CSMD3: variants seen among roughly 807,000 people sequenced by gnomAD.
The protein encoded by CSMD3 is CUB and Sushi multiple domains 3.
Under a neutral mutation model 435.2 loss-of-function variants are expected in CSMD3, and 177 were observed. That is an observed-to-expected ratio of 0.41 (90% CI 0.36 to 0.46). CSMD3 has a LOEUF of 0.46. CSMD3 is among the 20% of genes least tolerant of loss of function. The probability of loss-of-function intolerance (pLI) is 0.34; values close to 1 mark genes in which losing one functional copy is unlikely to be tolerated. For synonymous variants in CSMD3, 1,656 were observed against 1,520.5 expected (o/e 1.09, Z -2.07); for missense variants, 4,265 against 4,504.6 (o/e 0.95, Z 1.52).
intron 3 of CSMD3, among the ~76,000 whole-genome samples, chr8:113,267,616 G>A (rs1465355956): frequency 1.3e-5 from 2 of 151,588 alleles, no homozygotes; most frequent in East Asian, 1.9e-4. Flanking sequence ...GAAGGGGAGG[G>A]TGAAGAGAAG....
At chr8:113,395,893 C>A (rs904317474) in intron 1 of CSMD3, among the ~76,000 whole-genome samples, 3 of 152,064 alleles carry the variant, frequency 2.0e-5, no homozygotes, top group African/African-American at 7.2e-5. Context: ...AGATCCTTTT[C>A]TTTTCTAAGA....
At chr8:112,806,723 C>T (rs953605457) in intron 12 of CSMD3, among the ~76,000 whole-genome samples, 1 of 152,126 alleles carries the variant, frequency 6.6e-6, no homozygotes, top group African/African-American at 2.4e-5. Flanking sequence ...AAGGATGGGG[C>T]CTCGCTTCAG....
At position 113,181,969 on chromosome 8, in the gene CSMD3, T is replaced by A. The variant is rs968251880; in HGVS notation, c.515-8053A>T. Among the ~76,000 whole-genome samples the A allele has an allele frequency of 5.3e-5, 8 of 152,184 alleles. No homozygotes were observed. In the South Asian group the frequency reaches 6.2e-4, roughly 12 times the overall value. Reference sequence around the variant, plus strand: ...GATGTGTTAAGCCGATCATGGATAATTTACTGGAATTATATATTCAACAAA... The same window carrying A: ...GATGTGTTAAGCCGATCATGGATAAATTACTGGAATTATATATTCAACAAA... On this transcript the variant is annotated intron_variant, in intron 3 of 70. Transcript: ENST00000297405.
intron 4 of CSMD3, among the ~76,000 whole-genome samples, chr8:113,143,725 T>C (rs1564361974): frequency 6.6e-6 from 1 of 151,432 alleles, no homozygotes; most frequent in Non-Finnish European, 1.5e-5. Context: ...TTGTTTCCAT[T>C]TATACAACGT....
At chr8:112,554,256 T>C (rs1827928791) in intron 25 of CSMD3, among the ~76,000 whole-genome samples, 1 of 151,928 alleles carries the variant, frequency 6.6e-6, no homozygotes, top group African/African-American at 2.4e-5. Context: ...TGGTGCTGTT[T>C]CTCTGGAGAA....
chr8:112,514,019 A>T, intron 28 of CSMD3, among the ~76,000 whole-genome samples: 1 of 152,098 alleles, frequency 6.6e-6, no homozygotes, highest in East Asian at 1.9e-4. Flanking sequence ...TATTATTTAG[A>T]TATAAGATTC....
At chr8:112,813,114 T>C (rs1259453954) in intron 12 of CSMD3, among the ~76,000 whole-genome samples, 1 of 152,046 alleles carries the variant, frequency 6.6e-6, no homozygotes, top group African/African-American at 2.4e-5. Context: ...CGCCAAAGAA[T>C]TGGTGTGGCG....
chr8:112,670,938 G>GA lies in CSMD3; in HGVS notation c.2678-4524dup, dbSNP rs532549329. Among the ~76,000 whole-genome samples the GA allele has an allele frequency of 3.7e-3, 563 of 152,098 alleles. 4 individuals carry two copies. The highest frequency in any genetic ancestry group is 0.012 in the African/African-American group (495 of 41,514). ...AAGATGATTGAATATGCAACCCTTT[G>GA]AAAAAAGTATTTTAATTTAATAAAA... On this transcript the variant is annotated intron_variant, in intron 16 of 70. Transcript: ENST00000297405.
At chr8:112,607,362 AG>A (rs1194860632) in intron 22 of CSMD3, among the ~76,000 whole-genome samples, 6 of 152,024 alleles carry the variant, frequency 3.9e-5, no homozygotes, top group Non-Finnish European at 7.4e-5. Context: ...ATCAAAGAAA[AG>A]CTCAGAAACT....
chr8:113,189,538 C>T (rs1172271900), intron 3 of CSMD3, among the ~76,000 whole-genome samples: 2 of 151,684 alleles, frequency 1.3e-5, no homozygotes, highest in Admixed American at 6.6e-5. Context: ...AGTATGAAAA[C>T]ACTCTTAATC....
chr8:112,635,643 G>T (rs2074636200), intron 22 of CSMD3, among the ~76,000 whole-genome samples: 2 of 152,032 alleles, frequency 1.3e-5, no homozygotes. Context: ...TTTTTAAAGA[G>T]AAATTTCATC....
At chr8:112,525,090 C>T (rs1458390738) in intron 27 of CSMD3, among the ~76,000 whole-genome samples, 1 of 151,616 alleles carries the variant, frequency 6.6e-6, no homozygotes, top group African/African-American at 2.4e-5. Flanking sequence ...TGTTAGCTAC[C>T]TGGTAAGCTC....
In CSMD3 at chr8:112,291,860, C is replaced by T. The variant is rs144572182; in HGVS notation, c.8789-165G>A. 7.3e-3 allele frequency among the ~76,000 whole-genome samples: 1,107 copies of T among 151,998 alleles called. 10 individuals are homozygous for T. Among genetic ancestry groups the T allele is most frequent in the African/African-American group, 0.025 (1,048 of 41,510 alleles). ...ATGGATTATCTAGAAAATGGACTGA[C>T]ATCTATGTGGTAGAAAATACAGAAG... On this transcript the variant is annotated intron_variant, in intron 55 of 70. Coordinates refer to ENST00000297405, the MANE Select transcript of CSMD3 (RefSeq NM_198123.2).
At chr8:113,172,801 TACA>T (rs1228791728) in intron 4 of CSMD3, among the ~76,000 whole-genome samples, 1 of 152,130 alleles carries the variant, frequency 6.6e-6, no homozygotes, top group African/African-American at 2.4e-5. Context: ...ATGGAGGAAT[TACA>T]GAAGCATATG....
At chr8:112,611,257 C>CAT (rs1833237757) in intron 22 of CSMD3, among the ~76,000 whole-genome samples, 2 of 152,140 alleles carry the variant, frequency 1.3e-5, no homozygotes, top group Admixed American at 1.3e-4. Context: ...AATCCTAAAC[C>CAT]ATATCCAGGT....
In CSMD3 at chr8:112,483,646, C is replaced by T. The variant is rs1431713795; in HGVS notation, c.5278+8843G>A. ...GGGTTTAGGAAAATGAATTAGGGAA[C>T]TGCCCTGATCTACTCCAGAATCTTC... On this transcript the variant is annotated intron_variant, in intron 31 of 70. Coordinates refer to ENST00000297405, the MANE Select transcript of CSMD3 (RefSeq NM_198123.2). Among the ~76,000 whole-genome samples, 7 of 152,132 alleles carry T rather than the reference C, an allele frequency of 4.6e-5. No individual in the cohort carries two copies. The South Asian group carries it at 1.5e-3, about 32-fold the overall frequency.
At chr8:113,418,537 A>G (rs1199578680) in intron 1 of CSMD3, among the ~76,000 whole-genome samples, 1 of 152,220 alleles carries the variant, frequency 6.6e-6, no homozygotes, top group Non-Finnish European at 1.5e-5. Context: ...CAGGAATAGC[A>G]TAAATAGAAT....
intron 1 of CSMD3, among the ~76,000 whole-genome samples, chr8:113,330,611 T>C (rs986268007): frequency 3.3e-5 from 5 of 151,924 alleles, no homozygotes; most frequent in South Asian, 2.1e-4. Context: ...AAATATATAA[T>C]ATGGAAGCAG....
At chr8:112,799,900 G>C (rs111249266) in intron 13 of CSMD3, among the ~76,000 whole-genome samples, 3 of 151,928 alleles carry the variant, frequency 2.0e-5, no homozygotes, top group Admixed American at 6.6e-5. Flanking sequence ...GGAGTCTACA[G>C]TGATTGAAAC....
Sources: gnomAD v4.1 joint callset for allele counts (sites outside exome capture counted in the v4.1 genomes callset) on GRCh38, gnomAD v4.1.1 for gene constraint, MANE v1.5 for transcripts, NCBI Gene and HGNC (gene_info 2026-07-23, HGNC 2026-07-21) for gene names.